The following FAM3B variants were observed in gnomAD, a reference collection of about 807,000 sequenced individuals.
The protein encoded by FAM3B is FAM3 metabolism regulating signaling molecule B.
Under a neutral mutation model 28.4 loss-of-function variants are expected in FAM3B, and 29 were observed. The observed-to-expected ratio is 1.02, with a 90% confidence interval of 0.76 to 1.39. FAM3B has a LOEUF of 1.39. Ranked by LOEUF, FAM3B falls within the 40% of genes most tolerant of loss-of-function variation. The pLI is 0.00. For missense variants in FAM3B, 266 were observed against 293.9 expected, an observed-to-expected ratio of 0.91 and a Z score of 0.69; for synonymous variants, 91 against 103.0, an observed-to-expected ratio of 0.88 and a Z score of 0.71.
At chr21:41,349,925 G>T (rs1428066369) in intron 7 of FAM3B, among the ~76,000 whole-genome samples, 2 of 152,170 alleles carry the variant, frequency 1.3e-5, no homozygotes, top group Non-Finnish European at 2.9e-5. Context: ...CGGGGCCCTG[G>T]CCTCGACCCC....
rs1317579883 is a variant in FAM3B at position 41,322,990 on chromosome 21, A to G, written c.87A>G (p.Ala29=). The change falls in exon 2 of 8, where the codon GCA becomes GCG. Residue 29 remains alanine, a synonymous_variant. Coordinates refer to ENST00000357985, the MANE Select transcript of FAM3B (RefSeq NM_058186.4). ...LCAWYSGYLL[A]ELIPDAPLSS... ...CCTGGTATTCGGGGTACCTGCTCGC[A>G]GAGCTCATTCCAGATGCACCCCTGT... 1.2e-6 allele frequency: 2 copies of G among 1,611,822 alleles called. No homozygotes were observed. The highest frequency in any genetic ancestry group is 1.7e-6 in the Non-Finnish European group (2 of 1,180,018).
Position 41,357,709 on chromosome 21 carries a change from C to G in FAM3B, c.*512C>G, listed in dbSNP as rs1381432409. On this transcript the variant is annotated 3_prime_UTR_variant, in exon 8 of 8. Transcript: ENST00000357985. Reference sequence around the variant, plus strand: ...CTGTGGGCCTGTGAATGTATTCATTCATTCCACAACTCTGGGTGCCTCCCA... The same window carrying G: ...CTGTGGGCCTGTGAATGTATTCATTGATTCCACAACTCTGGGTGCCTCCCA... Among the ~76,000 whole-genome samples the G allele has an allele frequency of 6.6e-6, 1 of 152,196 alleles. No homozygotes were observed. The highest frequency in any genetic ancestry group is 2.4e-5 in the African/African-American group (1 of 41,446).
chr21:41,305,951 T>A (rs2088680684), intron 1 of FAM3B, among the ~76,000 whole-genome samples: 1 of 152,240 alleles, frequency 6.6e-6, no homozygotes. Flanking sequence ...ATAGTGTAAA[T>A]TCTTTCAAAA....
intron 1 of FAM3B, among the ~76,000 whole-genome samples, chr21:41,309,999 G>T (rs1389884180): frequency 6.6e-6 from 1 of 152,218 alleles, no homozygotes; most frequent in East Asian, 1.9e-4. Flanking sequence ...TTTCTGCCAA[G>T]CCAGAGTTCA....
chr21:41,332,794 CT>C (rs2145811185), intron 2 of FAM3B, among the ~76,000 whole-genome samples: 2 of 152,270 alleles, frequency 1.3e-5, no homozygotes, highest in South Asian at 4.1e-4. Context: ...GATATCTGCT[CT>C]TTCATTACTG....
chr21:41,305,476 TTTC>T (rs1568906837), intron 1 of FAM3B, among the ~76,000 whole-genome samples: 1 of 152,224 alleles, frequency 6.6e-6, no homozygotes, highest in Non-Finnish European at 1.5e-5. Flanking sequence ...TTTTGCCTTC[TTTC>T]TCAAAGGATT....
intron 2 of FAM3B, among the ~76,000 whole-genome samples, chr21:41,330,376 G>T (rs1035956147): frequency 6.6e-6 from 1 of 152,180 alleles, no homozygotes; most frequent in South Asian, 2.1e-4. Context: ...TTTGGATAAG[G>T]TATACCCAAC....
chr21:41,357,022 T>C, intron 7 of FAM3B, 86 bp from the exon 8 acceptor site: 1 of 814,342 alleles, frequency 1.2e-6, no homozygotes, highest in Non-Finnish European at 1.8e-6. Flanking sequence ...ATCTAGGAAG[T>C]GGTTGTGTCG....
At chr21:41,316,996 A>G in intron 1 of FAM3B, 98 bp downstream of exon 1, 1 of 1,116,262 alleles carries the variant, frequency 9.0e-7, no homozygotes, top group South Asian at 3.6e-5. Context: ...CGCCACGCTT[A>G]GCAAAAGCGG....
rs1314204735 is a variant in FAM3B at position 41,348,625 on chromosome 21, A to C, written c.519A>C (p.Ala173=). 1 of 1,614,126 alleles carries C rather than the reference A, an allele frequency of 6.2e-7. No individual in the cohort carries two copies. Among genetic ancestry groups the C allele is most frequent in the African/African-American group, 1.3e-5 (1 of 74,942 alleles). Residue 173 remains alanine, a synonymous_variant, in exon 7 of 8, where the codon GCA becomes GCC. Coordinates refer to ENST00000357985, the MANE Select transcript of FAM3B (RefSeq NM_058186.4). The part of the protein sequence containing the change: ...LNNDAKNAIE[A]LGSKEIRNMK... ...ACGATGCCAAGAATGCCATAGAAGC[A>C]CTTGGAAGTAAAGAAATCAGGAACA...
At chr21:41,309,174 C>T (rs1280914574) in intron 1 of FAM3B, among the ~76,000 whole-genome samples, 1 of 152,208 alleles carries the variant, frequency 6.6e-6, no homozygotes, top group Admixed American at 6.5e-5. Context: ...CAGCATCATC[C>T]GCCTTCAGGA....
In FAM3B at chr21:41,348,620, G is replaced by T; in HGVS notation, c.514G>T (p.Glu172Ter). ...GAATAACGATGCCAAGAATGCCATA[G>T]AAGCACTTGGAAGTAAAGAAATCAG... is the stretch of plus-strand genomic sequence containing the variant. ...RLNNDAKNAI[E>*]ALGSKEIRNM... Residue 172 changes from glutamate to a stop codon, truncating the protein, a stop_gained, in exon 7 of 8, where the codon GAA becomes TAA. Transcript: ENST00000357985. LOFTEE classifies it high-confidence loss of function. 1 of 1,614,228 alleles carries T rather than the reference G, an allele frequency of 6.2e-7. No individual in the cohort carries two copies. Among genetic ancestry groups the T allele is most frequent in the Non-Finnish European group, 8.5e-7 (1 of 1,180,042 alleles).
chr21:41,357,331 G>T lies in FAM3B; in HGVS notation c.*134G>T, dbSNP rs2089176246. The T allele has an allele frequency of 2.1e-6, 1 of 468,342 alleles. No homozygotes were observed. Among genetic ancestry groups the T allele is most frequent in the Non-Finnish European group, 3.8e-6 (1 of 261,430 alleles). The allele number at this position is 468,342 out of a possible 1,614,324, so 29.0% of individuals were successfully genotyped here. ...GTTTGTTGTAAACCAATGAACATTT[G>T]CTAGTTGTATCAAATCTTGGTACGC... On this transcript the variant is annotated 3_prime_UTR_variant, in exon 8 of 8. Coordinates refer to ENST00000357985, the MANE Select transcript of FAM3B (RefSeq NM_058186.4).
chr21:41,352,185 G>A (rs2089126455), intron 7 of FAM3B, among the ~76,000 whole-genome samples: 1 of 152,204 alleles, frequency 6.6e-6, no homozygotes, highest in Non-Finnish European at 1.5e-5. Context: ...ATGAGTGGCT[G>A]CTCTTACCAT....
In FAM3B at chr21:41,323,054, CCT is replaced by C; in HGVS notation, c.152_153del (p.Pro51ArgfsTer13). On this transcript the variant is annotated frameshift_variant, in exon 2 of 8. Transcript: ENST00000357985. LOFTEE classifies it high-confidence loss of function. ...TAGCATCCGCAGCATCGGGGAGAGGCCTGTCCTCAAAGGTGAGTGCCGTGCTT... is the reference window on the plus strand; with the variant it reads ...TAGCATCCGCAGCATCGGGGAGAGGCGTCCTCAAAGGTGAGTGCCGTGCTT... Reference protein sequence around the residue: ...AYSIRSIGERPVLKAPVPKRQ... With the variant: ...AYSIRSIGERXVLKAPVPKRQ... The C allele has an allele frequency of 6.2e-7, 1 of 1,605,144 alleles. No homozygotes were observed.
chr21:41,351,619 C>G (rs1464030290), intron 7 of FAM3B, among the ~76,000 whole-genome samples: 1 of 152,134 alleles, frequency 6.6e-6, no homozygotes, highest in Non-Finnish European at 1.5e-5. Context: ...GTGTATTTCC[C>G]TAAGGGTGGT....
chr21:41,307,576 T>C (rs1454816841), intron 1 of FAM3B, among the ~76,000 whole-genome samples: 2 of 152,266 alleles, frequency 1.3e-5, no homozygotes, highest in African/African-American at 4.8e-5. Context: ...TTCTAGCTTT[T>C]GATTTAAAGA....
At chr21:41,335,029 CCT>C (rs1340042952) in intron 2 of FAM3B, among the ~76,000 whole-genome samples, 1 of 152,184 alleles carries the variant, frequency 6.6e-6, no homozygotes, top group African/African-American at 2.4e-5. Flanking sequence ...GGGCCTGTAG[CCT>C]CTTTCTTTTG....
intron 2 of FAM3B, among the ~76,000 whole-genome samples, chr21:41,328,386 A>G (rs2088873246): frequency 1.3e-5 from 2 of 152,204 alleles, no homozygotes; most frequent in African/African-American, 4.8e-5. Context: ...GAAAAAAGGT[A>G]CTAAAGACAG....
Sources: gnomAD v4.1 joint callset for allele counts (sites outside exome capture counted in the v4.1 genomes callset) on GRCh38, gnomAD v4.1.1 for gene constraint, MANE v1.5 for transcripts, NCBI Gene and HGNC (gene_info 2026-07-23, HGNC 2026-07-21) for gene names.